Variants in NIPA2 observed in about 807,000 individuals in gnomAD.
NIPA2 encodes NIPA magnesium transporter 2.
In NIPA2, 11 loss-of-function variants were observed where a neutral mutation model predicts 29.7. The ratio of observed to expected loss-of-function variants is 0.37; its 90% confidence interval spans 0.23 to 0.61. The LOEUF (loss-of-function observed/expected upper bound fraction) is 0.61. Among genes scored for constraint, NIPA2 ranks in the 20% least tolerant of loss-of-function variants. The pLI, the probability that NIPA2 is intolerant of heterozygous loss-of-function variation, is 0.66. For synonymous variants in NIPA2, 183 were observed against 161.9 expected, an observed-to-expected ratio of 1.13 and a Z score of -0.99; for missense variants, 426 against 437.9, an observed-to-expected ratio of 0.97 and a Z score of 0.24.
chr15:22,846,929 G>A (rs1898905019), intron 3 of NIPA2, among the ~76,000 whole-genome samples: 1 of 148,880 alleles, frequency 6.7e-6, no homozygotes, highest in South Asian at 2.1e-4. Context: ...TTGAGACCGA[G>A]TTTCGCTCTT....
intron 3 of NIPA2, among the ~76,000 whole-genome samples, chr15:22,847,114 C>T (rs1898963497): frequency 6.6e-6 from 1 of 151,788 alleles, no homozygotes; most frequent in African/African-American, 2.4e-5. Flanking sequence ...CCATGTTGGT[C>T]AGGCTGGTCT....
intron 2 of NIPA2, 112 bp downstream of exon 2, chr15:22,839,902 G>C (rs534793325): frequency 3.9e-5 from 6 of 152,238 alleles, no homozygotes; most frequent in Admixed American, 3.3e-4. Flanking sequence ...TTAGCCAAGT[G>C]AGAGGTTGGA....
At chr15:22,860,416 A>G (rs762742732) in intron 6 of NIPA2, among the ~76,000 whole-genome samples, 1 of 152,250 alleles carries the variant, frequency 6.6e-6, no homozygotes. Context: ...TGGTAAGTAT[A>G]CAGGTGTAGT....
chr15:22,864,864 G>C (rs1490820392), intron 7 of NIPA2, among the ~76,000 whole-genome samples: 2 of 151,848 alleles, frequency 1.3e-5, no homozygotes, highest in South Asian at 4.2e-4. Context: ...TGTTATCTTC[G>C]GTCCTCTCTT....
At chr15:22,857,925 TTTA>T (rs2058321517) in intron 5 of NIPA2, among the ~76,000 whole-genome samples, 1 of 152,022 alleles carries the variant, frequency 6.6e-6, no homozygotes, top group South Asian at 2.1e-4. Flanking sequence ...CTCAGTGATT[TTTA>T]TTTACTGTCC....
At chr15:22,851,480 A>G (rs1455853888) in intron 3 of NIPA2, among the ~76,000 whole-genome samples, 159 bp from the exon 4 acceptor site, 1 of 152,144 alleles carries the variant, frequency 6.6e-6, no homozygotes, top group Non-Finnish European at 1.5e-5. Flanking sequence ...TTGAAGAAAT[A>G]TACAGGTTGG....
In NIPA2 at chr15:22,843,197, C is replaced by G. The variant is rs77444285; in HGVS notation, c.-215-1949C>G. On this transcript the variant is annotated intron_variant, in intron 2 of 7. Coordinates refer to ENST00000337451, the MANE Select transcript of NIPA2 (RefSeq NM_030922.7). Reference sequence around the variant, plus strand: ...TGCTTCTGCTACCTCAGCTGTGTGACGTGTTACTTAACATCTCTGGACTTG... The same window carrying G: ...TGCTTCTGCTACCTCAGCTGTGTGAGGTGTTACTTAACATCTCTGGACTTG... Among the ~76,000 whole-genome samples, 51 of 152,072 alleles carry G rather than the reference C, an allele frequency of 3.4e-4. 3 individuals are homozygous for G. In the South Asian group the frequency reaches 9.4e-3, roughly 28 times the overall value.
Position 22,858,617 on chromosome 15 carries a change from A to G in NIPA2, c.274A>G (p.Ser92Gly). 1 of 1,598,458 alleles carries G rather than the reference A, an allele frequency of 6.3e-7. No individual in the cohort carries two copies. Among genetic ancestry groups the G allele is most frequent in the Admixed American group, 1.7e-5 (1 of 58,288 alleles). Reference protein sequence around the residue: ...ATLVTPLGALSVLVSAILSSY... With the variant: ...ATLVTPLGALGVLVSAILSSY... The stretch of plus-strand genomic sequence containing the variant: ...TCTAGTGACTCCACTAGGAGCTCTC[A>G]GCGTGCTAGTAAGGTAAGGACACGT... The change falls in exon 6 of 8, where the codon AGC (serine) becomes GGC (glycine). Residue 92 changes from serine (S) to glycine (G), a missense_variant. By Grantham distance (56) the Ser-to-Gly change is moderately conservative. This residue lies in a region of NIPA2 where 357 missense variants were observed against 339.8 expected (regional missense o/e 1.05). Coordinates refer to ENST00000337451, the MANE Select transcript of NIPA2 (RefSeq NM_030922.7).
intron 7 of NIPA2, among the ~76,000 whole-genome samples, chr15:22,864,367 G>C (rs1429194524): frequency 6.6e-6 from 1 of 152,116 alleles, no homozygotes; most frequent in Non-Finnish European, 1.5e-5. Flanking sequence ...TGTTAGCCAG[G>C]ATGGTCTCGA....
chr15:22,866,089 A>C, intron 7 of NIPA2, 124 bp from the exon 8 acceptor site: 2 of 769,512 alleles, frequency 2.6e-6, no homozygotes, highest in Admixed American at 2.9e-5. Context: ...CTGCAAAATA[A>C]AGCTGATTTT....
chr15:22,847,623 C>T (rs1244193676), intron 3 of NIPA2, among the ~76,000 whole-genome samples: 1 of 151,962 alleles, frequency 6.6e-6, no homozygotes, highest in Non-Finnish European at 1.5e-5. Context: ...CGCCACTGCG[C>T]CAGCTAATTT....
rs370960219 is a variant in NIPA2, at chr15:22,866,697, G to A, written c.933G>A (p.Val311=). 6.9e-5 allele frequency: 111 copies of A among 1,613,942 alleles called. No homozygotes were observed. Among genetic ancestry groups the A allele is most frequent in the Middle Eastern group, 1.6e-4 (1 of 6,068 alleles). Residue 311 remains valine (V), a synonymous_variant, in exon 8 of 8, where the codon GTG becomes GTA. Transcript: ENST00000337451. ...DVSFSLASLP[V]SFRKDEKAMN... is the part of the protein sequence containing the mutation. ...GCTTTAGTCTAGCAAGTCTGCCTGT[G>A]TCTTTTCGAAAAGACGAGAAAGCAA...
In NIPA2 at chr15:22,851,766, T is replaced by C. The variant is rs745375426; in HGVS notation, c.35T>C (p.Ile12Thr). ...GGGCGTGGAAAATATGACTTCTATA[T>C]TGGTCTGGGATTGGCTATGAGCTCC... Reference protein sequence around the residue: ...SQGRGKYDFYIGLGLAMSSSI... With the variant: ...SQGRGKYDFYTGLGLAMSSSI... Residue 12 changes from isoleucine (I) to threonine (T), a missense_variant, in exon 4 of 8, where the codon ATT becomes ACT. Ile to Thr is a moderately conservative substitution (Grantham distance 89). Around this residue, in one of 3 missense-constraint regions of NIPA2, gnomAD observed 57 missense variants for 66.6 expected, o/e 0.86. Coordinates refer to ENST00000337451, the MANE Select transcript of NIPA2 (RefSeq NM_030922.7). The C allele has an allele frequency of 1.6e-5, 26 of 1,613,334 alleles. No homozygotes were observed. Among genetic ancestry groups the C allele is most frequent in the Non-Finnish European group, 2.1e-5 (25 of 1,179,742 alleles).
chr15:22,866,503 A>T lies in NIPA2; in HGVS notation c.739A>T (p.Ile247Phe). 3.1e-6 allele frequency: 5 copies of T among 1,613,836 alleles called. No individual in the cohort carries two copies. Among genetic ancestry groups the T allele is most frequent in the Non-Finnish European group, 4.2e-6 (5 of 1,179,752 alleles). Residue 247 changes from isoleucine to phenylalanine, a missense_variant, in exon 8 of 8, where the codon ATT becomes TTT. Transcript: ENST00000337451. Reference protein sequence around the residue: ...NRALDIFNTSIVTPIYYVFFT... With the variant: ...NRALDIFNTSFVTPIYYVFFT... Reference sequence around the variant, plus strand: ...GGCCCTGGATATATTCAACACTTCCATTGTGACTCCAATATATTATGTATT... The same window carrying T: ...GGCCCTGGATATATTCAACACTTCCTTTGTGACTCCAATATATTATGTATT...
intron 6 of NIPA2, among the ~76,000 whole-genome samples, chr15:22,859,785 C>G (rs2058491302): frequency 6.6e-6 from 1 of 151,986 alleles, no homozygotes; most frequent in Admixed American, 6.6e-5. Flanking sequence ...ATATGTAAAA[C>G]AGGGTTATGG....
intron 6 of NIPA2, among the ~76,000 whole-genome samples, chr15:22,859,558 T>C (rs899526948): frequency 5.3e-5 from 8 of 152,132 alleles, no homozygotes; most frequent in Non-Finnish European, 8.8e-5. Context: ...TCCCAAAGTG[T>C]TGGGATTACA....
At chr15:22,844,189 T>A (rs12904626) in intron 2 of NIPA2, among the ~76,000 whole-genome samples, 1 of 152,218 alleles carries the variant, frequency 6.6e-6, no homozygotes. Flanking sequence ...TTATTTGAGA[T>A]GTATTTATTC....
rs1161611831 is a variant in NIPA2 at position 22,851,777 on chromosome 15, T to C, written c.46T>C (p.Leu16=). 6.2e-7 allele frequency: 1 copy of C among 1,613,632 alleles called. No homozygotes were observed. The highest frequency in any genetic ancestry group is 8.5e-7 in the Non-Finnish European group (1 of 1,179,768). Residue 16 remains leucine, a synonymous_variant, in exon 4 of 8, where the codon TTG becomes CTG. Coordinates refer to ENST00000337451, the MANE Select transcript of NIPA2 (RefSeq NM_030922.7). ...GKYDFYIGLG[L]AMSSSIFIGG... ...ATATGACTTCTATATTGGTCTGGGA[T>C]TGGCTATGAGCTCCAGCATTTTCAT...
Position 22,841,709 on chromosome 15 carries a change from A to G in NIPA2, c.-216+1919A>G, listed in dbSNP as rs1897138828. On this transcript the variant is annotated intron_variant, in intron 2 of 7. Coordinates refer to ENST00000337451, the MANE Select transcript of NIPA2 (RefSeq NM_030922.7). The stretch of plus-strand genomic sequence containing the variant: ...TTTTTAGTAGAGTCGGGGTTTCACC[A>G]TGTTGGTCAGGCTGGTCTCGAACTC... Among the ~76,000 whole-genome samples the G allele has an allele frequency of 4.6e-5, 7 of 152,174 alleles. No individual in the cohort carries two copies. In the South Asian group the frequency reaches 1.0e-3, roughly 23 times the overall value.
Sources: allele counts gnomAD v4.1 joint callset (sites outside exome capture counted in the v4.1 genomes callset), GRCh38; gene constraint gnomAD v4.1.1; regional missense constraint gnomAD v4.1.1; transcripts MANE v1.5; gene names NCBI Gene and HGNC (gene_info 2026-07-23, HGNC 2026-07-21).